LIMCH1: variants seen among roughly 807,000 people sequenced by gnomAD.
The protein encoded by LIMCH1 is LIM and calponin homology domains-containing protein 1.
LIMCH1 carries 113 observed loss-of-function variants against 176.5 expected under a neutral mutation model. The observed-to-expected ratio is 0.64, with a 90% CI of 0.55 to 0.75. The LOEUF is 0.75. Ranked by LOEUF, LIMCH1 falls within the 30% of genes least tolerant of loss-of-function variation. The probability of loss-of-function intolerance (pLI) is 0.00; values close to 1 mark genes in which losing one functional copy is unlikely to be tolerated. For missense variants in LIMCH1, 1,674 were observed against 1,814.9 expected, an observed-to-expected ratio of 0.92 and a Z score of 1.41; for synonymous variants, 619 against 645.9, an observed-to-expected ratio of 0.96 and a Z score of 0.63.
intron 1 of LIMCH1, among the ~76,000 whole-genome samples, chr4:41,562,942 G>C (rs1347285076): frequency 6.6e-6 from 1 of 152,096 alleles, no homozygotes; most frequent in Non-Finnish European, 1.5e-5. Flanking sequence ...GTTATGAAAG[G>C]ATTTGATTCC....
intron 1 of LIMCH1, among the ~76,000 whole-genome samples, chr4:41,464,802 C>T (rs952926365): frequency 6.6e-6 from 1 of 152,326 alleles, no homozygotes; most frequent in South Asian, 2.1e-4. Flanking sequence ...ACTGTCTTCT[C>T]CCCTCCACAA....
chr4:41,512,036 A>G (rs2074990416), intron 2 of LIMCH1, among the ~76,000 whole-genome samples: 1 of 152,220 alleles, frequency 6.6e-6, no homozygotes, highest in African/African-American at 2.4e-5. Context: ...CAAAATATAT[A>G]AAGAGCTCTT....
chr4:41,605,750 G>C (rs571555200), intron 3 of LIMCH1, 144 bp from the exon 4 acceptor site: 32 of 498,154 alleles, frequency 6.4e-5, no homozygotes, highest in African/African-American at 5.7e-4. Flanking sequence ...ACATTTAATG[G>C]ATACCTCATG....
chr4:41,547,751 TA>T (rs1288215965), intron 1 of LIMCH1, among the ~76,000 whole-genome samples: 1 of 139,424 alleles, frequency 7.2e-6, no homozygotes, highest in Non-Finnish European at 1.5e-5. Flanking sequence ...AAATAATATA[TA>T]AAAATATAAA....
chr4:41,570,292 A>G (rs2083363454), intron 1 of LIMCH1, among the ~76,000 whole-genome samples: 1 of 152,256 alleles, frequency 6.6e-6, no homozygotes, highest in African/African-American at 2.4e-5. Flanking sequence ...TTCTGCTTAT[A>G]GCACTAACAA....
chr4:41,632,717 T>G (rs1213522921), intron 10 of LIMCH1, 32 bp from the exon 11 acceptor site: 1 of 1,506,802 alleles, frequency 6.6e-7, no homozygotes, highest in Non-Finnish European at 8.9e-7. Flanking sequence ...TCCTCTCCTC[T>G]CTTGCCACCA....
chr4:41,436,187 G>A (rs556453768), intron 1 of LIMCH1, among the ~76,000 whole-genome samples: 10 of 152,304 alleles, frequency 6.6e-5, no homozygotes, highest in Non-Finnish European at 1.3e-4. Flanking sequence ...CCTCTTTGGA[G>A]GTGATTGTGG....
chr4:41,419,503 A>G (rs1249026720), intron 1 of LIMCH1, among the ~76,000 whole-genome samples: 1 of 151,918 alleles, frequency 6.6e-6, no homozygotes, highest in African/African-American at 2.4e-5. Context: ...AATGCCTACA[A>G]TAACCCTTTC....
intron 13 of LIMCH1, 135 bp downstream of exon 13, chr4:41,633,943 C>T (rs747703383): frequency 2.1e-5 from 21 of 990,180 alleles, no homozygotes; most frequent in Non-Finnish European, 3.0e-5. Flanking sequence ...AAATTGGCCT[C>T]ATCTGCGAAG....
chr4:41,494,129 A>G (rs1033827149), intron 1 of LIMCH1, among the ~76,000 whole-genome samples: 11 of 152,120 alleles, frequency 7.2e-5, no homozygotes, highest in African/African-American at 2.7e-4. Flanking sequence ...AAGGGTAGAT[A>G]TTGTTTAAGG....
chr4:41,626,818 T>C lies in LIMCH1; in HGVS notation c.836T>C (p.Val279Ala). ...AACGATTCAGAGGCAGAAGGTGAAG[T>C]TGTGTGTCGACTGCCTGATCTTGAG... ...HGNDSEAEGE[V>A]VCRLPDLEKD... Residue 279 changes from valine (V) to alanine (A), a missense_variant, in exon 8 of 32, where the codon GTT (valine) becomes GCT (alanine). Coordinates refer to ENST00000503057, the MANE Select transcript of LIMCH1 (RefSeq NM_001330672.2). The C allele has an allele frequency of 6.5e-7, 1 of 1,536,218 alleles. No individual in the cohort carries two copies. The highest frequency in any genetic ancestry group is 1.2e-5 in the South Asian group (1 of 84,050).
chr4:41,691,367 T>C (rs1245764440), intron 30 of LIMCH1, among the ~76,000 whole-genome samples: 1 of 152,000 alleles, frequency 6.6e-6, no homozygotes, highest in African/African-American at 2.4e-5. Flanking sequence ...TATCCTACAG[T>C]CTCTTTCTGC....
At chr4:41,479,483 C>T (rs1017806305) in intron 1 of LIMCH1, among the ~76,000 whole-genome samples, 2 of 152,106 alleles carry the variant, frequency 1.3e-5, no homozygotes, top group African/African-American at 4.8e-5. Flanking sequence ...AATTCTTGGC[C>T]TCAAGCAATT....
In LIMCH1 at chr4:41,517,669, G is replaced by A. The variant is rs563824029; in HGVS notation, c.168-6740G>A. Among the ~76,000 whole-genome samples, 7 of 152,026 alleles carry A rather than the reference G, an allele frequency of 4.6e-5. No homozygotes were observed. The East Asian group carries it at 7.7e-4, about 17-fold the overall frequency. On this transcript the variant is annotated intron_variant, in intron 2 of 26. Coordinates refer to the LIMCH1 transcript ENST00000313860. ...TTTCACTTTTCCCTATATTTTAGTC[G>A]ATTTTTCTTGATCTCAGAGGATTTG...
chr4:41,465,292 C>T (rs1387718730), intron 1 of LIMCH1, among the ~76,000 whole-genome samples: 2 of 152,136 alleles, frequency 1.3e-5, no homozygotes, highest in African/African-American at 2.4e-5. Flanking sequence ...CCTGCCCCCG[C>T]ATTTGTTCCT....
Position 41,633,631 on chromosome 4 carries a change from G to C in LIMCH1, c.1913G>C (p.Ser638Thr), listed in dbSNP as rs187494374. The C allele has an allele frequency of 6.5e-7, 1 of 1,536,198 alleles. No individual in the cohort carries two copies. The highest frequency in any genetic ancestry group is 2.4e-5 in the East Asian group (1 of 40,912). Residue 638 changes from serine (S) to threonine (T), a missense_variant, in exon 13 of 32, where the codon AGT (serine) becomes ACT (threonine). By Grantham distance (58) the Ser-to-Thr change is moderately conservative. Around this residue, in one of 3 missense-constraint regions of LIMCH1, gnomAD observed 1,015 missense variants for 1,102.5 expected, o/e 0.92. Transcript: ENST00000503057. The stretch of plus-strand genomic sequence containing the variant: ...ATGACAGCTCCTGCCTGGAGTGGCA[G>C]TGGACTGAAAGGCCAGCGAAAGTTG... ...EKMTAPAWSGSGLKGQRKLDD... is the reference protein window; with the variant it reads ...EKMTAPAWSGTGLKGQRKLDD...
upstream of LIMCH1, chr4:41,359,781 G>A (rs528600963): frequency 2.0e-5 from 3 of 152,208 alleles, no homozygotes; most frequent in South Asian, 4.1e-4. Context: ...CCTACCTCCC[G>A]TTAATGGAAC....
chr4:41,650,936 C>T (rs1355199181), intron 18 of LIMCH1, among the ~76,000 whole-genome samples: 1 of 152,094 alleles, frequency 6.6e-6, no homozygotes, highest in Non-Finnish European at 1.5e-5. Context: ...TGTCATCCCC[C>T]TCTCTGCCTT....
At chr4:41,452,008 CTCTT>C (rs1371023831) in intron 1 of LIMCH1, among the ~76,000 whole-genome samples, 1 of 152,170 alleles carries the variant, frequency 6.6e-6, no homozygotes, top group Non-Finnish European at 1.5e-5. Flanking sequence ...TCTGGATAAA[CTCTT>C]TCTTCTTTTC....
Sources: gnomAD v4.1 joint callset for allele counts (sites outside exome capture counted in the v4.1 genomes callset) on GRCh38, gnomAD v4.1.1 for gene constraint, gnomAD v4.1.1 regional missense constraint, MANE v1.5 for transcripts, NCBI Gene and HGNC (gene_info 2026-07-23, HGNC 2026-07-21) for gene names.